The following ZNF335 variants were observed in gnomAD, a reference collection of about 807,000 sequenced individuals.
The protein encoded by ZNF335 is zinc finger protein 335, also known as NRC-interacting factor 1.
A neutral mutation model predicts 145.6 loss-of-function variants in ZNF335; 84 were observed. The observed-to-expected ratio is 0.58, with a 90% CI of 0.48 to 0.69. The LOEUF is 0.69. Among genes scored for constraint, ZNF335 ranks in the 30% least tolerant of loss-of-function variants. The pLI, the probability that ZNF335 is intolerant of heterozygous loss-of-function variation, is 0.00. For missense variants in ZNF335, 1,865 were observed against 1,809.7 expected (o/e 1.03, Z -0.55); for synonymous variants, 761 against 717.0 (o/e 1.06, Z -0.98).
At chr20:45,960,181 G>A (rs2083811170) in intron 14 of ZNF335, 27 bp downstream of exon 14, 1 of 1,612,640 alleles carries the variant, frequency 6.2e-7, no homozygotes, top group African/African-American at 1.3e-5. Context: ...GGGCTGGTGA[G>A]TGGGGCTGGG....
Position 45,950,248 on chromosome 20 carries a change from C to T in ZNF335, c.3458G>A (p.Ser1153Asn), listed in dbSNP as rs184257828. ...QTPTQTIILN[S>N]DDETLATLHT... The stretch of plus-strand genomic sequence containing the variant: ...CAGGGTGGCCAGTGTTTCGTCATCA[C>T]TGTTCAGGATGATGGTCTGGGTTGG... The change falls in exon 22 of 28, where the codon AGT becomes AAT. Residue 1153 changes from serine to asparagine, a missense_variant. Physicochemically the swap from Ser to Asn is conservative, Grantham distance 46. Coordinates refer to ENST00000322927, the MANE Select transcript of ZNF335 (RefSeq NM_022095.4). 89 of 1,548,164 alleles carry T rather than the reference C, an allele frequency of 5.7e-5. No individual in the cohort carries two copies. The highest frequency in any genetic ancestry group is 7.4e-5 in the Non-Finnish European group (85 of 1,147,266).
At chr20:45,953,994 G>A (rs1186484536) in intron 17 of ZNF335, 46 bp from the exon 18 acceptor site, 14 of 1,529,422 alleles carry the variant, frequency 9.2e-6, no homozygotes, top group Admixed American at 2.0e-5. Flanking sequence ...GGTGGCAGAG[G>A]AGCGGGTATG....
chr20:45,950,243 C>T lies in ZNF335; in HGVS notation c.3463G>A (p.Asp1155Asn). The change falls in exon 22 of 28, where the codon GAC becomes AAC. Residue 1155 changes from aspartate to asparagine, a missense_variant. Coordinates refer to ENST00000322927, the MANE Select transcript of ZNF335 (RefSeq NM_022095.4). The stretch of plus-strand genomic sequence containing the variant: ...CTGTGCAGGGTGGCCAGTGTTTCGT[C>T]ATCACTGTTCAGGATGATGGTCTGG... ...PTQTIILNSD[D>N]ETLATLHTAL... The T allele has an allele frequency of 1.1e-5, 17 of 1,546,674 alleles. No homozygotes were observed. Among genetic ancestry groups the T allele is most frequent in the Non-Finnish European group, 1.4e-5 (16 of 1,146,430 alleles).
In ZNF335 at chr20:45,953,548, A is replaced by T. The variant is rs73128528; in HGVS notation, c.2702+141T>A. 0.12 allele frequency: 135,374 copies of T among 1,127,676 alleles called. 9,201 individuals carry two copies. Among genetic ancestry groups the T allele is most frequent in the Non-Finnish European group, 0.14 (111,014 of 800,384 alleles). 69.9% of individuals were successfully genotyped at this position (1,127,676 alleles called of 1,614,324 possible). A position where few individuals can be genotyped will look rare whatever the true frequency, so the allele number is the denominator to read the frequency against. ...AAATGGTAGCTCTTGACCTCCTGAG[A>T]AGGGTAGACTCCACCACTAATCACT... On this transcript the variant is annotated intron_variant, in intron 18 of 27. Transcript: ENST00000322927.
chr20:45,958,013 G>A (rs1250130421), intron 15 of ZNF335, 85 bp from the exon 16 acceptor site: 10 of 1,053,338 alleles, frequency 9.5e-6, no homozygotes, highest in Non-Finnish European at 1.3e-5. Flanking sequence ...TCTGCCAGAT[G>A]TTTTACATCT....
In ZNF335 at chr20:45,957,903, T is replaced by C; in HGVS notation, c.2279A>G (p.Gln760Arg). The C allele has an allele frequency of 1.2e-6, 2 of 1,614,036 alleles. No individual in the cohort carries two copies. Among genetic ancestry groups the C allele is most frequent in the Non-Finnish European group, 1.7e-6 (2 of 1,180,000 alleles). Residue 760 changes from glutamine to arginine, a missense_variant, in exon 16 of 28, where the codon CAG becomes CGG. Gln to Arg is a conservative substitution (Grantham distance 43, BLOSUM62 1). Transcript: ENST00000322927. ...PEIPPEATTF[Q>R]SSEAPSLLCS... ...GAGCAATGAGGGAGCCTCAGATGAC[T>C]GGAAAGTTGTCGCCTCTGGGGGTAT...
At position 45,967,536 on chromosome 20, in the gene ZNF335, C is replaced by T. The variant is rs1159669364; in HGVS notation, c.913G>A (p.Asp305Asn). The T allele has an allele frequency of 6.2e-6, 10 of 1,614,078 alleles. No individual in the cohort carries two copies. Among genetic ancestry groups the T allele is most frequent in the East Asian group, 2.2e-5 (1 of 44,862 alleles). Residue 305 changes from aspartate to asparagine, a missense_variant, in exon 6 of 28, where the codon GAT becomes AAT. Coordinates refer to ENST00000322927, the MANE Select transcript of ZNF335 (RefSeq NM_022095.4). Reference sequence around the variant, plus strand: ...GCTCCAGCGTCTACAATGTCATCATCGTCCTCCTCCTCTGGTCCCTCTTCC... The same window carrying T: ...GCTCCAGCGTCTACAATGTCATCATTGTCCTCCTCCTCTGGTCCCTCTTCC... ...QEEEGPEEEDDDDIVDAGAID... is the reference protein window; with the variant it reads ...QEEEGPEEEDNDDIVDAGAID...
chr20:45,949,932 C>T lies in ZNF335; in HGVS notation c.3591+34G>A, dbSNP rs377328518. ...TTTCTCTACCCCAACCCCTGCCTGT[C>T]GCTGGCCAGAGGGCCCCCAGTCCTG... On this transcript the variant is annotated intron_variant, in intron 23 of 27. Transcript: ENST00000322927. 1.2e-4 allele frequency: 192 copies of T among 1,614,072 alleles called. 2 individuals are homozygous for T. The highest frequency in any genetic ancestry group is 8.4e-4 in the African/African-American group (63 of 75,044).
chr20:45,966,754 T>C (rs950999935), intron 6 of ZNF335: 6 of 151,802 alleles, frequency 4.0e-5, no homozygotes, highest in African/African-American at 1.2e-4. Flanking sequence ...GGTTTCACCA[T>C]GTTGGCTAGG....
At position 45,967,761 on chromosome 20, in the gene ZNF335, G is replaced by C; in HGVS notation, c.787C>G (p.His263Asp). The C allele has an allele frequency of 6.2e-7, 1 of 1,612,586 alleles. No individual in the cohort carries two copies. The highest frequency in any genetic ancestry group is 8.5e-7 in the Non-Finnish European group (1 of 1,179,426). Residue 263 changes from histidine (H) to aspartate (D), a missense_variant, in exon 5 of 28, where the codon CAC becomes GAC. His to Asp is a moderately conservative substitution (Grantham distance 81). Coordinates refer to ENST00000322927, the MANE Select transcript of ZNF335 (RefSeq NM_022095.4). ...GGACGGAAGTGGCGTTCCCGCATGT[G>C]GCGCAGCAGTGTGGCCTTGGTGCTG... ...RSSTKATLLR[H>D]MRERHFRPVA...
rs764271232 is a variant in ZNF335 at position 45,948,943 on chromosome 20, C to T, written c.*10G>A. ...CCGCAAATCCATGATCTGTGTTGGG[C>T]CCTCGGGGCTCAGTCATCGGCCAGG... On this transcript the variant is annotated 3_prime_UTR_variant, in exon 28 of 28. Transcript: ENST00000322927. 5.0e-6 allele frequency: 8 copies of T among 1,613,788 alleles called. No homozygotes were observed. The highest frequency in any genetic ancestry group is 4.4e-5 in the South Asian group (4 of 91,082).
intron 7 of ZNF335, among the ~76,000 whole-genome samples, chr20:45,965,133 C>T (rs974382828): frequency 1.2e-4 from 18 of 151,896 alleles, no homozygotes; most frequent in African/African-American, 4.1e-4. Context: ...AACCCTTAAG[C>T]AATCCTAAAA....
In ZNF335 at chr20:45,957,866, G is replaced by A. The variant is rs766762493; in HGVS notation, c.2316C>T (p.Thr772=). Residue 772 remains threonine, a synonymous_variant, in exon 16 of 28, where the codon ACC becomes ACT. Coordinates refer to ENST00000322927, the MANE Select transcript of ZNF335 (RefSeq NM_022095.4). ...SEAPSLLCSD[T]LGGATIIYQQ... is the part of the protein sequence containing the mutation. ...GGTAGATGATGGTGGCGCCGCCCAGGGTGTCAGAACAGAGCAATGAGGGAG... is the reference window on the plus strand; with the variant it reads ...GGTAGATGATGGTGGCGCCGCCCAGAGTGTCAGAACAGAGCAATGAGGGAG... 17 of 1,613,628 alleles carry A rather than the reference G, an allele frequency of 1.1e-5. No homozygotes were observed. The highest frequency in any genetic ancestry group is 1.4e-5 in the Non-Finnish European group (17 of 1,179,968).
intron 25 of ZNF335, 30 bp downstream of exon 25, chr20:45,949,455 C>T (rs1216775871): frequency 2.9e-5 from 47 of 1,613,860 alleles, no homozygotes; most frequent in Non-Finnish European, 3.7e-5. Context: ...CCCTTCACCA[C>T]ACAGCACCCT....
chr20:45,970,574 A>C (rs1225579798), intron 2 of ZNF335, among the ~76,000 whole-genome samples: 4 of 152,082 alleles, frequency 2.6e-5, no homozygotes, highest in Non-Finnish European at 4.4e-5. Context: ...CACGGCTAGG[A>C]AGTGGCACAG....
At chr20:45,970,202 C>T (rs1179871298) in intron 2 of ZNF335, 1 of 153,170 alleles carries the variant, frequency 6.5e-6, no homozygotes, top group East Asian at 1.9e-4. Context: ...CAGACTGTGC[C>T]CTCCACAAGG....
intron 20 of ZNF335, among the ~76,000 whole-genome samples, chr20:45,951,582 T>G (rs1288176067): frequency 6.6e-6 from 1 of 152,090 alleles, no homozygotes; most frequent in Non-Finnish European, 1.5e-5. Flanking sequence ...TTAGAAGGAG[T>G]GTGTGACCTA....
Position 45,967,854 on chromosome 20 carries a change from T to A in ZNF335, c.694A>T (p.Ser232Cys). 1 of 1,613,460 alleles carries A rather than the reference T, an allele frequency of 6.2e-7. No homozygotes were observed. The highest frequency in any genetic ancestry group is 1.7e-5 in the Admixed American group (1 of 60,028). Residue 232 changes from serine to cysteine, a missense_variant, in exon 5 of 28, where the codon AGC (serine) becomes TGC (cysteine). By Grantham distance (112) the Ser-to-Cys change is moderately radical. Transcript: ENST00000322927. The stretch of plus-strand genomic sequence containing the variant: ...ACCACCTCCATCATGGCCTCCAGGC[T>A]CTGCAGGTCCGGCTCTTCGGCACCG... ...ASGAEEPDLQ[S>C]LEAMMEVVVV...
chr20:45,966,816 G>C (rs921134887), intron 6 of ZNF335: 1 of 150,698 alleles, frequency 6.6e-6, no homozygotes, highest in African/African-American at 2.4e-5. Flanking sequence ...GCCTCCCAAA[G>C]TGCTGGGATT....
Sources: gnomAD v4.1 joint callset for allele counts (sites outside exome capture counted in the v4.1 genomes callset) on GRCh38, gnomAD v4.1.1 for gene constraint, MANE v1.5 for transcripts, NCBI Gene and HGNC (gene_info 2026-07-23, HGNC 2026-07-21) for gene names.